KIAA1549L: variants seen among roughly 807,000 people sequenced by gnomAD.
KIAA1549L encodes the protein UPF0606 protein KIAA1549L.
KIAA1549L carries 88 observed loss-of-function variants against 160.7 expected under a neutral mutation model. That is an observed-to-expected ratio of 0.55 (90% CI 0.46 to 0.65). The LOEUF (loss-of-function observed/expected upper bound fraction) is 0.65, where lower values mean the gene tolerates loss of function less well. Ranked by LOEUF, KIAA1549L falls within the 30% of genes least tolerant of loss-of-function variation. The probability of loss-of-function intolerance (pLI) is 0.00; values close to 1 mark genes in which losing one functional copy is unlikely to be tolerated. For synonymous variants in KIAA1549L, 950 were observed against 976.7 expected (o/e 0.97, Z 0.51); for missense variants, 2,258 against 2,437.5 (o/e 0.93, Z 1.55).
chr11:33,499,060 G>C (rs1308255172), intron 1 of KIAA1549L, among the ~76,000 whole-genome samples: 1 of 150,906 alleles, frequency 6.6e-6, no homozygotes, highest in East Asian at 1.9e-4. Flanking sequence ...TTTTTTTTCT[G>C]AACCATTGCA....
intron 1 of KIAA1549L, among the ~76,000 whole-genome samples, chr11:33,414,837 G>A (rs545321638): frequency 1.3e-5 from 2 of 152,046 alleles, no homozygotes; most frequent in Non-Finnish European, 2.9e-5. Context: ...GAGTGAGTGT[G>A]TGTGAGAGAG....
intron 1 of KIAA1549L, among the ~76,000 whole-genome samples, chr11:33,406,949 T>C (rs1312415978): frequency 1.3e-5 from 2 of 152,176 alleles, no homozygotes; most frequent in African/African-American, 4.8e-5. Context: ...TGTAAATTCC[T>C]CAGGCACTTA....
intron 1 of KIAA1549L, among the ~76,000 whole-genome samples, chr11:33,433,221 C>CAACATATTTACAAGACAAA (rs1409921019): frequency 3.3e-5 from 5 of 152,016 alleles, no homozygotes; most frequent in Admixed American, 2.0e-4. Context: ...CAAGGAACTT[C>CAACATATTTACAAGACAAA]AACATATTTA....
chr11:33,668,030 C>A lies in KIAA1549L; in HGVS notation c.6317C>A (p.Ala2106Glu), dbSNP rs1324045461. The part of the protein sequence containing the change: ...PSTAASQQSL[A>E]ENDPSDAPLT... ...ACAGCGGCCTCGCAGCAGAGCCTGGCAGAAAACGACCCGTCTGACGCTCCC... is the reference window on the plus strand; with the variant it reads ...ACAGCGGCCTCGCAGCAGAGCCTGGAAGAAAACGACCCGTCTGACGCTCCC... The change falls in exon 21 of 21, where the codon GCA becomes GAA. Residue 2106 changes from alanine (A) to glutamate (E), a missense_variant. By Grantham distance (107) the Ala-to-Glu change is moderately radical. Around this residue, in one of 6 missense-constraint regions of KIAA1549L, gnomAD observed 1,359 missense variants for 1,546.6 expected, o/e 0.88. Transcript: ENST00000658780. The A allele has an allele frequency of 6.2e-7, 1 of 1,614,026 alleles. No individual in the cohort carries two copies. The highest frequency in any genetic ancestry group is 1.1e-5 in the South Asian group (1 of 91,082).
In KIAA1549L at chr11:33,407,102, T is replaced by TTTTTTG. The variant is rs71034682; in HGVS notation, c.238+30213_238+30214insTTTTTG. Among the ~76,000 whole-genome samples, 5 of 148,358 alleles carry TTTTTTG rather than the reference T, an allele frequency of 3.4e-5. No individual in the cohort carries two copies. The East Asian group carries it at 9.9e-4, about 29-fold the overall frequency. Reference sequence around the variant, plus strand: ...TTTCATTTTTTTTTTTTTTTTTTTTTGAGACGGAGTCTCGCTCTGTCGTCC... The same window carrying TTTTTTG: ...TTTCATTTTTTTTTTTTTTTTTTTTTTTTTTGGAGACGGAGTCTCGCTCTGTCGTCC... On this transcript the variant is annotated intron_variant, in intron 1 of 20. Transcript: ENST00000658780.
At chr11:33,502,055 T>G (rs1406054406) in intron 1 of KIAA1549L, among the ~76,000 whole-genome samples, 1 of 152,096 alleles carries the variant, frequency 6.6e-6, no homozygotes, top group Non-Finnish European at 1.5e-5. Context: ...TTCAGAAACT[T>G]AGGAGAGAGG....
intron 1 of KIAA1549L, among the ~76,000 whole-genome samples, chr11:33,379,047 C>T (rs1396090179): frequency 6.6e-6 from 1 of 152,110 alleles, no homozygotes; most frequent in Non-Finnish European, 1.5e-5. Context: ...TTGGTGTTGC[C>T]ACTCATTGTA....
At chr11:33,653,772 A>G (rs1038768218) in intron 17 of KIAA1549L, among the ~76,000 whole-genome samples, 2 of 151,706 alleles carry the variant, frequency 1.3e-5, no homozygotes, top group African/African-American at 4.8e-5. Flanking sequence ...TATATTTTCT[A>G]TCTTCTCGGC....
In KIAA1549L at chr11:33,397,363, T is replaced by A. The variant is rs1850400077; in HGVS notation, c.238+20474T>A. On this transcript the variant is annotated intron_variant, in intron 1 of 20. Coordinates refer to ENST00000658780, the MANE Select transcript of KIAA1549L (RefSeq NM_012194.3). The stretch of plus-strand genomic sequence containing the variant: ...AAAAAAAAAAAATTCAAAAATGAAT[T>A]AATGTTTAAGCTCTCCTCTGTTTTC... 2.7e-5 allele frequency among the ~76,000 whole-genome samples: 4 copies of A among 149,636 alleles called. No homozygotes were observed. The South Asian group carries it at 8.5e-4, about 32-fold the overall frequency.
At chr11:33,493,212 C>G (rs1256601700) in intron 1 of KIAA1549L, among the ~76,000 whole-genome samples, 1 of 151,956 alleles carries the variant, frequency 6.6e-6, no homozygotes, top group Admixed American at 6.6e-5. Context: ...CAACATAACA[C>G]TGTTGGGAGG....
At chr11:33,582,398 A>G (rs1855673369) in intron 10 of KIAA1549L, among the ~76,000 whole-genome samples, 1 of 152,196 alleles carries the variant, frequency 6.6e-6, no homozygotes, top group Admixed American at 6.5e-5. Context: ...TCTGGGCCTC[A>G]GTTTTGCCTA....
At chr11:33,638,433 AAAATAAAT>A (rs1554927327) in intron 16 of KIAA1549L, among the ~76,000 whole-genome samples, 12 of 37,634 alleles carry the variant, frequency 3.2e-4, no homozygotes, top group Admixed American at 1.3e-3. Flanking sequence ...AAAAAAAAAA[AAAATAAAT>A]AAATAAATAA....
rs1852612152 is a variant in KIAA1549L at position 33,669,825 on chromosome 11, C to T, written c.*1671C>T. 6.6e-6 allele frequency: 1 copy of T among 152,216 alleles called. No individual in the cohort carries two copies. Among genetic ancestry groups the T allele is most frequent in the Non-Finnish European group, 1.5e-5 (1 of 68,044 alleles). The allele number at this position is 152,216 out of a possible 1,614,324, so 9.4% of individuals were successfully genotyped here. A position where few individuals can be genotyped will look rare whatever the true frequency, so the allele number is the denominator to read the frequency against. On this transcript the variant is annotated 3_prime_UTR_variant, in exon 21 of 21. Coordinates refer to ENST00000658780, the MANE Select transcript of KIAA1549L (RefSeq NM_012194.3). ...TGTGTCATGGAACCTTCAAACAAGTCTCTTGTTCGGATGATAATAGGTAGT... is the reference window on the plus strand; with the variant it reads ...TGTGTCATGGAACCTTCAAACAAGTTTCTTGTTCGGATGATAATAGGTAGT...
chr11:33,431,910 G>A (rs1220838156), intron 1 of KIAA1549L, among the ~76,000 whole-genome samples: 2 of 152,262 alleles, frequency 1.3e-5, no homozygotes, highest in African/African-American at 4.8e-5. Flanking sequence ...GCTAAGGCCC[G>A]ACGAGAAATC....
chr11:33,468,629 G>A (rs1194096216), intron 1 of KIAA1549L, among the ~76,000 whole-genome samples: 1 of 152,196 alleles, frequency 6.6e-6, no homozygotes, highest in Non-Finnish European at 1.5e-5. Flanking sequence ...CCTCTTTTAT[G>A]TACTGGTGAG....
In KIAA1549L at chr11:33,660,974, A is replaced by G. The variant is rs756923043; in HGVS notation, c.6119A>G (p.Tyr2040Cys). 2.1e-5 allele frequency: 34 copies of G among 1,612,158 alleles called. No homozygotes were observed. The highest frequency in any genetic ancestry group is 2.7e-5 in the Non-Finnish European group (32 of 1,179,196). Residue 2040 changes from tyrosine to cysteine, a missense_variant, in exon 20 of 21, where the codon TAT (tyrosine) becomes TGT (cysteine). Physicochemically the swap from Tyr to Cys is radical, Grantham distance 194 (BLOSUM62 -2). Coordinates refer to ENST00000658780, the MANE Select transcript of KIAA1549L (RefSeq NM_012194.3). ...TATAGGAACCAGGCCTGGATGTCCT[A>G]TGCAGGAGAGAATGAGCTCCCGAGC... Reference protein sequence around the residue: ...SSYRNQAWMSYAGENELPSQW... With the variant: ...SSYRNQAWMSCAGENELPSQW...
intron 1 of KIAA1549L, among the ~76,000 whole-genome samples, chr11:33,414,289 C>T (rs762134270): frequency 2.6e-5 from 4 of 152,068 alleles, no homozygotes; most frequent in South Asian, 2.1e-4. Flanking sequence ...TATATAATAT[C>T]GTAATTTATG....
chr11:33,470,077 A>C lies in KIAA1549L; in HGVS notation c.239-71725A>C, dbSNP rs7110603. On this transcript the variant is annotated intron_variant, in intron 1 of 20. Transcript: ENST00000658780. The stretch of plus-strand genomic sequence containing the variant: ...GCTTGTACTTTTGGTGTCATATCTA[A>C]GGAACTGTTGCCTAATCTAAGGTCA... 7.1e-3 allele frequency among the ~76,000 whole-genome samples: 1,086 copies of C among 152,254 alleles called. 15 individuals are homozygous for C. Among genetic ancestry groups the C allele is most frequent in the African/African-American group, 0.025 (1,047 of 41,542 alleles).
Position 33,609,874 on chromosome 11 carries a change from AAAG to A in KIAA1549L, c.5192_5194del (p.Lys1731del), listed in dbSNP as rs1564922616. 4.3e-6 allele frequency: 7 copies of A among 1,613,952 alleles called. 1 individual carries two copies. The highest frequency in any genetic ancestry group is 2.2e-5 in the South Asian group (2 of 91,080). On this transcript the variant is annotated inframe_deletion, in exon 15 of 21. Transcript: ENST00000658780. ...AGACGAGCAAGGGTCTGACCGAAAG[AAAG>A]AAGATGTATGAAAAAGCCCCGAAGG...
Sources: gnomAD v4.1 joint callset for allele counts (sites outside exome capture counted in the v4.1 genomes callset) on GRCh38, gnomAD v4.1.1 for gene constraint, gnomAD v4.1.1 regional missense constraint, MANE v1.5 for transcripts, NCBI Gene and HGNC (gene_info 2026-07-23, HGNC 2026-07-21) for gene names.